Variants in CELF2 observed in about 807,000 individuals in gnomAD.
CELF2 encodes the protein CUG triplet repeat RNA-binding protein 2.
CELF2 carries 8 observed loss-of-function variants against 62.6 expected under a neutral mutation model. That is an observed-to-expected ratio of 0.13 (90% CI 0.07 to 0.23). CELF2 has a LOEUF of 0.23. Ranked by LOEUF, CELF2 falls within the 10% of genes least tolerant of loss-of-function variation. CELF2 has a pLI of 1.00. For missense variants in CELF2, 333 were observed against 671.0 expected (o/e 0.50, Z 5.56); for synonymous variants, 258 against 250.0 (o/e 1.03, Z -0.30).
intron 2 of CELF2, among the ~76,000 whole-genome samples, chr10:10,932,478 T>G (rs1238609263): frequency 6.6e-6 from 1 of 152,308 alleles, no homozygotes; most frequent in Non-Finnish European, 1.5e-5. Flanking sequence ...ACAGTCTATG[T>G]ATATGTACAT....
intron 1 of CELF2, among the ~76,000 whole-genome samples, chr10:11,090,595 T>G (rs2048049487): frequency 6.6e-6 from 1 of 152,216 alleles, no homozygotes; most frequent in African/African-American, 2.4e-5. Flanking sequence ...TAGCATTATA[T>G]ATAATCTTGA....
chr10:10,493,923 C>A, the CELF2 span, among the ~76,000 whole-genome samples: 23 of 152,156 alleles, frequency 1.5e-4, 1 homozygote, highest in Non-Finnish European at 7.3e-5. Flanking sequence ...CTAGAAAGTA[C>A]CATTTTGCCA....
chr10:10,835,486 G>A (rs903065789), intron 1 of CELF2, among the ~76,000 whole-genome samples: 1 of 151,838 alleles, frequency 6.6e-6, no homozygotes, highest in East Asian at 1.9e-4. Context: ...GGGTTCTAGC[G>A]ATTCTCCTGC....
chr10:11,226,211 A>G (rs1432301624), intron 3 of CELF2, among the ~76,000 whole-genome samples: 3 of 152,240 alleles, frequency 2.0e-5, no homozygotes, highest in Non-Finnish European at 2.9e-5. Flanking sequence ...CATCTGTTGT[A>G]TACCCTGTTT....
the CELF2 span, among the ~76,000 whole-genome samples, chr10:10,514,816 CAG>C: frequency 2.0e-5 from 3 of 152,082 alleles, no homozygotes; most frequent in Admixed American, 2.0e-4. Flanking sequence ...ATGGGTTAAA[CAG>C]AGAATGAACA....
At chr10:10,820,868 A>G (rs2056900634) in intron 1 of CELF2, among the ~76,000 whole-genome samples, 1 of 152,200 alleles carries the variant, frequency 6.6e-6, no homozygotes, top group African/African-American at 2.4e-5. Context: ...CATTTCTACA[A>G]GTTCATTCTG....
the CELF2 span, among the ~76,000 whole-genome samples, chr10:10,781,650 G>A: frequency 6.6e-6 from 1 of 152,136 alleles, no homozygotes; most frequent in Non-Finnish European, 1.5e-5. Context: ...GGGATTATGG[G>A]AACTACAGTT....
intron 3 of CELF2, among the ~76,000 whole-genome samples, chr10:11,236,481 T>G (rs2078364367): frequency 6.6e-6 from 1 of 152,232 alleles, no homozygotes; most frequent in African/African-American, 2.4e-5. Context: ...AGTGTTGTTT[T>G]AAGTCATCAA....
At chr10:11,031,468 T>TA (rs1247695730) in intron 1 of CELF2, among the ~76,000 whole-genome samples, 1 of 152,202 alleles carries the variant, frequency 6.6e-6, no homozygotes, top group East Asian at 1.9e-4. Context: ...TACTTCTAGA[T>TA]ACCCAATGTA....
chr10:10,644,724 T>A, the CELF2 span, among the ~76,000 whole-genome samples: 1 of 152,120 alleles, frequency 6.6e-6, no homozygotes, highest in African/African-American at 2.4e-5. Context: ...AAGGCCCTAT[T>A]TTAGCCCCAC....
At chr10:10,643,271 T>G in the CELF2 span, among the ~76,000 whole-genome samples, 1 of 152,034 alleles carries the variant, frequency 6.6e-6, no homozygotes, top group East Asian at 1.9e-4. Flanking sequence ...ATAACCCCCG[T>G]GTATCATGGG....
At chr10:11,033,015 A>C (rs768389286) in intron 1 of CELF2, among the ~76,000 whole-genome samples, 4 of 152,324 alleles carry the variant, frequency 2.6e-5, no homozygotes, top group Middle Eastern at 3.4e-3. Context: ...ATGGAGTTAA[A>C]ATAACTTTGG....
At chr10:10,490,574 G>T in the CELF2 span, among the ~76,000 whole-genome samples, 83 of 152,098 alleles carry the variant, frequency 5.5e-4, no homozygotes, top group African/African-American at 1.9e-3. Flanking sequence ...TGGTTGGGGG[G>T]GGGTGGAGCA....
the CELF2 span, among the ~76,000 whole-genome samples, chr10:10,495,197 C>A: frequency 6.6e-6 from 1 of 152,094 alleles, no homozygotes; most frequent in Non-Finnish European, 1.5e-5. Context: ...AGGAGAATGG[C>A]GTGACCAGAA....
intron 4 of CELF2, 58 bp downstream of exon 4, chr10:11,249,259 G>T: frequency 7.0e-7 from 1 of 1,434,406 alleles, no homozygotes. Flanking sequence ...AAATTACAAA[G>T]TCAGTTGGGG....
intron 1 of CELF2, among the ~76,000 whole-genome samples, chr10:11,051,711 C>G (rs2140071710): frequency 6.6e-6 from 1 of 152,254 alleles, no homozygotes; most frequent in Non-Finnish European, 1.5e-5. Flanking sequence ...AATGTATGCA[C>G]AGGGGACCCG....
Position 11,294,642 on chromosome 10 carries a change from G to T in CELF2, c.976+6090G>T, listed in dbSNP as rs117147839. 4.3e-3 allele frequency among the ~76,000 whole-genome samples: 656 copies of T among 152,370 alleles called. 13 individuals are homozygous for T. The highest frequency in any genetic ancestry group is 0.037 in the East Asian group (194 of 5,188). ...TCAATCTGTCACACGGCCAGGCGCAGTGGCTCACGCCTGTAATCCCAACAC... is the reference window on the plus strand; with the variant it reads ...TCAATCTGTCACACGGCCAGGCGCATTGGCTCACGCCTGTAATCCCAACAC... On this transcript the variant is annotated intron_variant, in intron 9 of 12. Coordinates refer to ENST00000633077, the MANE Select transcript of CELF2 (RefSeq NM_001326342.2).
chr10:10,562,096 C>T, the CELF2 span, among the ~76,000 whole-genome samples: 1 of 152,194 alleles, frequency 6.6e-6, no homozygotes, highest in African/African-American at 2.4e-5. Flanking sequence ...GCCTAGAATT[C>T]CCTTGAGAAC....
chr10:10,984,451 G>C lies in CELF2; in HGVS notation c.89+64452G>C, dbSNP rs60967649. 9.2e-3 allele frequency among the ~76,000 whole-genome samples: 1,395 copies of C among 152,230 alleles called. 23 individuals are homozygous for C. The highest frequency in any genetic ancestry group is 0.032 in the African/African-American group (1,314 of 41,532). On this transcript the variant is annotated intron_variant, in intron 2 of 13. Transcript: ENST00000636488. Reference sequence around the variant, plus strand: ...ATTGTACAGCCTCTCAATTACTTTAGGTTATGTGGACATAAGCCTGGCGCC... The same window carrying C: ...ATTGTACAGCCTCTCAATTACTTTACGTTATGTGGACATAAGCCTGGCGCC...
Sources: allele counts gnomAD v4.1 joint callset (sites outside exome capture counted in the v4.1 genomes callset), GRCh38; gene constraint gnomAD v4.1.1; transcripts MANE v1.5; gene names NCBI Gene and HGNC (gene_info 2026-07-23, HGNC 2026-07-21).